Variants in PITHD1 observed in about 807,000 individuals in gnomAD.
The protein encoded by PITHD1 is PITH domain containing 1, also known as PITH domain-containing protein 1.
A neutral mutation model predicts 27.5 loss-of-function variants in PITHD1; 8 were observed. The observed-to-expected ratio is 0.29, with a 90% confidence interval of 0.17 to 0.52. The LOEUF is 0.52. Among genes scored for constraint, PITHD1 ranks in the 20% least tolerant of loss-of-function variants. The probability of loss-of-function intolerance (pLI) is 0.96; values close to 1 mark genes in which losing one functional copy is unlikely to be tolerated. For synonymous variants in PITHD1, 118 were observed against 106.8 expected (o/e 1.10, Z -0.64); for missense variants, 233 against 283.9 (o/e 0.82, Z 1.29).
In PITHD1 at chr1:23,779,939, A is replaced by C; in HGVS notation, c.318A>C (p.Arg106Ser). Residue 106 changes from arginine to serine, a missense_variant and splice_region_variant, in exon 3 of 6, where the codon AGA becomes AGC. Arg to Ser is a moderately radical substitution (Grantham distance 110). Transcript: ENST00000246151. The part of the protein sequence containing the change: ...EDDDSHPSEM[R>S]LYKNIPQMSF... ...ATGACTCACACCCCTCTGAGATGAGACTGTAAGTGGCAAAGGCTTAGGCCC... is the reference window on the plus strand; with the variant it reads ...ATGACTCACACCCCTCTGAGATGAGCCTGTAAGTGGCAAAGGCTTAGGCCC... The C allele has an allele frequency of 1.2e-6, 2 of 1,604,956 alleles. No homozygotes were observed. Among genetic ancestry groups the C allele is most frequent in the Non-Finnish European group, 1.7e-6 (2 of 1,171,706 alleles).
chr1:23,780,140 A>C (rs1638575323), intron 3 of PITHD1, among the ~76,000 whole-genome samples, 199 bp downstream of exon 3: 2 of 152,338 alleles, frequency 1.3e-5, no homozygotes, highest in South Asian at 4.1e-4. Flanking sequence ...AAGCATCTTT[A>C]GGCCCAACAG....
intron 1 of PITHD1, 49 bp from the exon 2 acceptor site, chr1:23,779,389 C>G (rs1356965958): frequency 2.0e-6 from 3 of 1,470,648 alleles, no homozygotes; most frequent in East Asian, 2.3e-5. Flanking sequence ...ATTGTAGGCT[C>G]TCAGCAAATA....
chr1:23,784,146 T>G (rs1638649683), intron 3 of PITHD1, among the ~76,000 whole-genome samples: 1 of 152,096 alleles, frequency 6.6e-6, no homozygotes. Context: ...CTATACTGCT[T>G]CTCATTATGC....
At chr1:23,779,416 C>T (rs1638561686) in intron 1 of PITHD1, 22 bp from the exon 2 acceptor site, 1 of 1,592,922 alleles carries the variant, frequency 6.3e-7, no homozygotes, top group Non-Finnish European at 8.6e-7. Context: ...GCTTTCTCCT[C>T]CCCCCTCCCC....
chr1:23,780,492 A>G (rs535386275), intron 3 of PITHD1, among the ~76,000 whole-genome samples: 1 of 152,324 alleles, frequency 6.6e-6, no homozygotes, highest in South Asian at 2.1e-4. Context: ...AAGAAGGGGA[A>G]AACTGCTTTC....
chr1:23,780,918 A>C (rs888670436), intron 3 of PITHD1, among the ~76,000 whole-genome samples: 1 of 149,842 alleles, frequency 6.7e-6, no homozygotes, highest in Non-Finnish European at 1.5e-5. Flanking sequence ...TCAAATCCTA[A>C]AGGCCGAGCA....
rs1570607893 is a variant in PITHD1, at chr1:23,778,440, G to GGAGCTGGTCTGAGGCGAGCC, written c.-71_-52dup. ...CTTAGTTGCCGGAGCTGAACGGCGC[G>GGAGCTGGTCTGAGGCGAGCC]GAGCTGGTCTGAGGCGAGCCGAGCC... On this transcript the variant is annotated 5_prime_UTR_variant, in exon 1 of 6. Coordinates refer to ENST00000246151, the MANE Select transcript of PITHD1 (RefSeq NM_020362.5). The GGAGCTGGTCTGAGGCGAGCC allele has an allele frequency of 1.6e-5, 17 of 1,061,578 alleles. No individual in the cohort carries two copies. Among genetic ancestry groups the GGAGCTGGTCTGAGGCGAGCC allele is most frequent in the Non-Finnish European group, 2.1e-5 (17 of 824,714 alleles). 65.8% of individuals were successfully genotyped at this position (1,061,578 alleles called of 1,614,324 possible). A position where few individuals can be genotyped will look rare whatever the true frequency, so the allele number is the denominator to read the frequency against.
Position 23,778,623 on chromosome 1 carries a change from C to A in PITHD1, c.108C>A (p.Asp36Glu). The change falls in exon 1 of 6, where the codon GAC becomes GAA. Residue 36 changes from aspartate (D) to glutamate (E), a missense_variant. By Grantham distance (45) the Asp-to-Glu change is conservative. Transcript: ENST00000246151. ...GLAYGLYLRI[D>E]LERLQCLNES... ...CCTACGGCCTGTACCTGCGCATCGA[C>A]CTGGAGCGGCTGCAATGCCTTAACG... is the stretch of plus-strand genomic sequence containing the variant. The A allele has an allele frequency of 7.5e-7, 1 of 1,333,270 alleles. No individual in the cohort carries two copies. The highest frequency in any genetic ancestry group is 9.6e-7 in the Non-Finnish European group (1 of 1,042,686). 82.6% of individuals were successfully genotyped at this position (1,333,270 alleles called of 1,614,324 possible).
In PITHD1 at chr1:23,778,559, C is replaced by T. The variant is rs1182668912; in HGVS notation, c.44C>T (p.Ala15Val). 12 of 1,341,840 alleles carry T rather than the reference C, an allele frequency of 8.9e-6. No homozygotes were observed. Among genetic ancestry groups the T allele is most frequent in the Non-Finnish European group, 1.0e-5 (11 of 1,051,154 alleles). The allele number at this position is 1,341,840 out of a possible 1,614,324, so 83.1% of individuals were successfully genotyped here. A position where few individuals can be genotyped will look rare whatever the true frequency, so the allele number is the denominator to read the frequency against. Residue 15 changes from alanine (A) to valine (V), a missense_variant, in exon 1 of 6, where the codon GCC becomes GTC. Physicochemically the swap from Ala to Val is moderately conservative, Grantham distance 64. Transcript: ENST00000246151. Reference sequence around the variant, plus strand: ...CACGGCGGGGGTGGCTGCCGCTGCGCCGCCGAACGGGAGGAGCCGCCCGAG... The same window carrying T: ...CACGGCGGGGGTGGCTGCCGCTGCGTCGCCGAACGGGAGGAGCCGCCCGAG... ...HSHGGGGCRCAAEREEPPEQR... is the reference protein window; with the variant it reads ...HSHGGGGCRCVAEREEPPEQR...
intron 3 of PITHD1, among the ~76,000 whole-genome samples, chr1:23,783,902 C>G (rs1296025351): frequency 6.6e-6 from 1 of 152,182 alleles, no homozygotes; most frequent in African/African-American, 2.4e-5. Context: ...TATGTAATCT[C>G]TGCTTTTGTG....
rs1248115461 is a variant in PITHD1 at position 23,778,436 on chromosome 1, G to C, written c.-80G>C. 9.8e-7 allele frequency: 1 copy of C among 1,016,586 alleles called. No homozygotes were observed. The highest frequency in any genetic ancestry group is 1.3e-6 in the Non-Finnish European group (1 of 787,772). 63.0% of individuals were successfully genotyped at this position (1,016,586 alleles called of 1,614,324 possible). Reference sequence around the variant, plus strand: ...CGCGCTTAGTTGCCGGAGCTGAACGGCGCGGAGCTGGTCTGAGGCGAGCCG... The same window carrying C: ...CGCGCTTAGTTGCCGGAGCTGAACGCCGCGGAGCTGGTCTGAGGCGAGCCG... On this transcript the variant is annotated 5_prime_UTR_variant, in exon 1 of 6. Transcript: ENST00000246151.
rs180913256 is a variant in PITHD1, at chr1:23,779,620, G to A, written c.242+139G>A. On this transcript the variant is annotated intron_variant, in intron 2 of 5. Transcript: ENST00000246151. ...TACTTTGGTGGGTTTGAGGAGGAAA[G>A]CATCATAGCTTTCTTGGTGCAGACT... 2.8e-4 allele frequency: 210 copies of A among 740,838 alleles called. 1 individual carries two copies. Among genetic ancestry groups the A allele is most frequent in the Middle Eastern group, 1.4e-3 (6 of 4,230 alleles). 45.9% of individuals were successfully genotyped at this position (740,838 alleles called of 1,614,324 possible).
intron 3 of PITHD1, among the ~76,000 whole-genome samples, chr1:23,784,016 A>G (rs1638648049): frequency 6.6e-6 from 1 of 152,136 alleles, no homozygotes; most frequent in African/African-American, 2.4e-5. Flanking sequence ...TACTATTACC[A>G]TTCCCATTTT....
chr1:23,787,412 G>A lies in PITHD1; in HGVS notation c.*36G>A. On this transcript the variant is annotated 3_prime_UTR_variant, in exon 6 of 6. Transcript: ENST00000246151. ...AGGCTCCCATAGAGGCGCTGTGTCA[G>A]TGAAGATGTACGACTACCTGTTGGG... 1 of 1,193,050 alleles carries A rather than the reference G, an allele frequency of 8.4e-7. No homozygotes were observed. Among genetic ancestry groups the A allele is most frequent in the Admixed American group, 1.7e-5 (1 of 57,754 alleles). The allele number at this position is 1,193,050 out of a possible 1,614,324, so 73.9% of individuals were successfully genotyped here. A position where few individuals can be genotyped will look rare whatever the true frequency, so the allele number is the denominator to read the frequency against.
chr1:23,784,717 G>A (rs1638658633), intron 3 of PITHD1, among the ~76,000 whole-genome samples: 1 of 151,876 alleles, frequency 6.6e-6, no homozygotes, highest in Non-Finnish European at 1.5e-5. Context: ...TTCTCTAGCA[G>A]TTTACTTTTT....
intron 3 of PITHD1, among the ~76,000 whole-genome samples, chr1:23,781,645 T>G (rs1051235331): frequency 2.0e-5 from 3 of 152,192 alleles, no homozygotes; most frequent in African/African-American, 7.2e-5. Context: ...TGGACTGACC[T>G]GAGAATATTA....
In PITHD1 at chr1:23,778,434, C is replaced by T. The variant is rs1638541086; in HGVS notation, c.-82C>T. ...GGCGCGCTTAGTTGCCGGAGCTGAA[C>T]GGCGCGGAGCTGGTCTGAGGCGAGC... On this transcript the variant is annotated 5_prime_UTR_variant, in exon 1 of 6. The change creates a new upstream start codon in the 5' untranslated region. Coordinates refer to ENST00000246151, the MANE Select transcript of PITHD1 (RefSeq NM_020362.5). 2.7e-5 allele frequency: 25 copies of T among 941,146 alleles called. No individual in the cohort carries two copies. The highest frequency in any genetic ancestry group is 3.2e-5 in the Non-Finnish European group (24 of 739,126). The allele number at this position is 941,146 out of a possible 1,614,324, so 58.3% of individuals were successfully genotyped here.
intron 4 of PITHD1, 33 bp downstream of exon 4, chr1:23,785,812 G>A (rs1638673842): frequency 1.7e-6 from 2 of 1,190,082 alleles, no homozygotes; most frequent in African/African-American, 1.5e-5. Flanking sequence ...ATTCTCTATG[G>A]CTTCTTATAG....
rs1042313287 is a variant in PITHD1, at chr1:23,787,427, T to C, written c.*51T>C. ...CGCTGTGTCAGTGAAGATGTACGACTACCTGTTGGGAAGGACAAAGGGATG... is the reference window on the plus strand; with the variant it reads ...CGCTGTGTCAGTGAAGATGTACGACCACCTGTTGGGAAGGACAAAGGGATG... On this transcript the variant is annotated 3_prime_UTR_variant, in exon 6 of 6. Transcript: ENST00000246151. The C allele has an allele frequency of 4.8e-6, 5 of 1,033,382 alleles. No homozygotes were observed. Among genetic ancestry groups the C allele is most frequent in the Admixed American group, 1.8e-5 (1 of 56,284 alleles). 64.0% of individuals were successfully genotyped at this position (1,033,382 alleles called of 1,614,324 possible).
Sources: gnomAD v4.1 joint callset for allele counts (sites outside exome capture counted in the v4.1 genomes callset) on GRCh38, gnomAD v4.1.1 for gene constraint, MANE v1.5 for transcripts, NCBI Gene and HGNC (gene_info 2026-07-23, HGNC 2026-07-21) for gene names.